The following DYNC2H1 variants were observed in gnomAD, a reference collection of about 807,000 sequenced individuals.
DYNC2H1 encodes dynein cytoplasmic 2 heavy chain 1.
Under a neutral mutation model 570.0 loss-of-function variants are expected in DYNC2H1, and 410 were observed. The ratio of observed to expected loss-of-function variants is 0.72; its 90% CI spans 0.66 to 0.78. The LOEUF (loss-of-function observed/expected upper bound fraction) is 0.78, where lower values mean the gene tolerates loss of function less well. Ranked by LOEUF, DYNC2H1 falls within the 30% of genes least tolerant of loss-of-function variation. The probability of loss-of-function intolerance (pLI) is 0.00; values close to 1 mark genes in which losing one functional copy is unlikely to be tolerated. For synonymous variants in DYNC2H1, 1,688 were observed against 1,677.6 expected, an observed-to-expected ratio of 1.01 and a Z score of -0.15; for missense variants, 4,865 against 5,046.4, an observed-to-expected ratio of 0.96 and a Z score of 1.09.
intron 87 of DYNC2H1, among the ~76,000 whole-genome samples, chr11:103,459,304 G>A (rs1465607607): frequency 0.021 from 912 of 43,878 alleles, 14 homozygotes; most frequent in African/African-American, 0.083. Flanking sequence ...GCGAGACTCC[G>A]TCTCAAAAAA....
chr11:103,267,411 A>G (rs1403510362), intron 70 of DYNC2H1, among the ~76,000 whole-genome samples: 1 of 150,568 alleles, frequency 6.6e-6, no homozygotes, highest in Admixed American at 6.7e-5. Flanking sequence ...AAGATTTTGC[A>G]CTTGACTATA....
In DYNC2H1 at chr11:103,264,951, A is replaced by T. The variant is rs1865449328; in HGVS notation, c.10695+4974A>T. Among the ~76,000 whole-genome samples the T allele has an allele frequency of 6.6e-6, 1 of 152,204 alleles. No homozygotes were observed. Among genetic ancestry groups the T allele is most frequent in the African/African-American group, 2.4e-5 (1 of 41,440 alleles). On this transcript the variant is annotated intron_variant, in intron 70 of 88. Coordinates refer to ENST00000375735, the MANE Select transcript of DYNC2H1 (RefSeq NM_001377.3). The surrounding 1 kb of genome is among the most constrained non-coding windows in gnomAD (Gnocchi z 4.8). ...ATTGTCTCTGTTTGGAGATGACATG[A>T]TTGTATATTTAGAAAACCCCATCGT...
chr11:103,449,057 G>C (rs1375427061), intron 85 of DYNC2H1, among the ~76,000 whole-genome samples: 1 of 152,154 alleles, frequency 6.6e-6, no homozygotes, highest in African/African-American at 2.4e-5. Context: ...TGTGAACAGA[G>C]ACCTAAAGGA....
At position 103,152,145 on chromosome 11, in the gene DYNC2H1, T is replaced by G. The variant is rs1860585460; in HGVS notation, c.2956T>G (p.Leu986Val). The G allele has an allele frequency of 6.3e-7, 1 of 1,597,968 alleles. No homozygotes were observed. The highest frequency in any genetic ancestry group is 8.5e-7 in the Non-Finnish European group (1 of 1,172,470). Residue 986 changes from leucine to valine, a missense_variant, in exon 21 of 89, where the codon TTA becomes GTA. Physicochemically the swap from Leu to Val is conservative, Grantham distance 32 (BLOSUM62 1). Transcript: ENST00000375735. ...LQERKPEILP[L>V]FQEAEDKNRL... ...TTTTTTTAACCTTTAGATTTTGCCC[T>G]TATTTCAAGAAGCTGAAGACAAAAA...
intron 84 of DYNC2H1, chr11:103,407,963 TTGTC>T (rs1942930499): frequency 6.6e-6 from 1 of 151,942 alleles, no homozygotes; most frequent in African/African-American, 2.4e-5. Flanking sequence ...CATATGAAAT[TTGTC>T]TGGGCTACAG....
chr11:103,137,308 A>G (rs1279821882), intron 17 of DYNC2H1, among the ~76,000 whole-genome samples: 1 of 147,538 alleles, frequency 6.8e-6, no homozygotes, highest in Non-Finnish European at 1.5e-5. Context: ...GCCCATGCCT[A>G]TGTCCTGAAT....
At chr11:103,270,566 A>G (rs916746203) in intron 70 of DYNC2H1, among the ~76,000 whole-genome samples, 1 of 148,396 alleles carries the variant, frequency 6.7e-6, no homozygotes, top group Non-Finnish European at 1.5e-5. Context: ...TGAAAATTAT[A>G]TGATGTGGTA....
At chr11:103,238,248 G>A (rs115274473) in intron 63 of DYNC2H1, among the ~76,000 whole-genome samples, 1,569 of 152,168 alleles carry the variant, frequency 0.01, 27 homozygotes, top group African/African-American at 0.036. Flanking sequence ...ATGCATTTGT[G>A]ATTCAGAGAT....
rs1864426749 is a variant in DYNC2H1, at chr11:103,241,651, A to G, written c.9820-2042A>G. 1 of 935,804 alleles carries G rather than the reference A, an allele frequency of 1.1e-6. No homozygotes were observed. The allele number at this position is 935,804 out of a possible 1,614,324, so 58.0% of individuals were successfully genotyped here. On this transcript the variant is annotated intron_variant, in intron 63 of 88. Coordinates refer to ENST00000375735, the MANE Select transcript of DYNC2H1 (RefSeq NM_001377.3). The surrounding 1 kb of genome is among the most constrained non-coding windows in gnomAD (Gnocchi z 5.1). ...ATGCTAGCATAAAATTAGATCAAAA[A>G]CCTAGGTGCAGCACCATGGTAACAC...
At chr11:103,138,762 T>C (rs1315368608) in intron 17 of DYNC2H1, among the ~76,000 whole-genome samples, 1 of 152,200 alleles carries the variant, frequency 6.6e-6, no homozygotes, top group Non-Finnish European at 1.5e-5. Context: ...CTTTTTCTAT[T>C]GATTGGAATA....
intron 84 of DYNC2H1, among the ~76,000 whole-genome samples, chr11:103,432,197 G>A (rs1943916061): frequency 6.6e-6 from 1 of 152,022 alleles, no homozygotes; most frequent in Non-Finnish European, 1.5e-5. Flanking sequence ...CTGACAAATA[G>A]TTCATCGTTG....
At chr11:103,284,965 G>T (rs1866288010) in intron 73 of DYNC2H1, among the ~76,000 whole-genome samples, 1 of 152,192 alleles carries the variant, frequency 6.6e-6, no homozygotes, top group South Asian at 2.1e-4. Flanking sequence ...TCTGAAAGAT[G>T]ATATTGTTTA....
intron 12 of DYNC2H1, among the ~76,000 whole-genome samples, chr11:103,128,459 C>CT (rs1292197403): frequency 6.6e-6 from 1 of 152,074 alleles, no homozygotes; most frequent in Non-Finnish European, 1.5e-5. Context: ...AGGCAATAGA[C>CT]TTTTGCTGAT....
At chr11:103,337,845 G>T (rs927348050) in intron 82 of DYNC2H1, among the ~76,000 whole-genome samples, 2 of 152,072 alleles carry the variant, frequency 1.3e-5, no homozygotes, top group African/African-American at 2.4e-5. Flanking sequence ...TCTCTTTGTT[G>T]ATTGTTTTCT....
rs535902671 is a variant in DYNC2H1 at position 103,283,708 on chromosome 11, A to T, written c.10890+623A>T. Among the ~76,000 whole-genome samples the T allele has an allele frequency of 2.0e-5, 3 of 152,294 alleles. No homozygotes were observed. In the East Asian group the frequency reaches 5.8e-4, roughly 29 times the overall value. Reference sequence around the variant, plus strand: ...TGAGGAAATTAAGGCACATAGAGATATAGTAACTTGTTTATGGTCACTTAG... The same window carrying T: ...TGAGGAAATTAAGGCACATAGAGATTTAGTAACTTGTTTATGGTCACTTAG... On this transcript the variant is annotated intron_variant, in intron 73 of 88. Transcript: ENST00000375735.
intron 84 of DYNC2H1, chr11:103,403,284 G>A (rs925312249): frequency 2.0e-5 from 3 of 151,942 alleles, no homozygotes; most frequent in African/African-American, 4.8e-5. Context: ...GAGGTTAAAT[G>A]TTCTTGTATT....
chr11:103,340,283 A>G (rs1355277657), intron 82 of DYNC2H1, among the ~76,000 whole-genome samples: 2 of 152,148 alleles, frequency 1.3e-5, no homozygotes, highest in Non-Finnish European at 2.9e-5. Flanking sequence ...AATTACAAAC[A>G]TGTATTTTTT....
In DYNC2H1 at chr11:103,275,593, T is replaced by G. The variant is rs1408039572; in HGVS notation, c.10696-4755T>G. 6.6e-6 allele frequency among the ~76,000 whole-genome samples: 1 copy of G among 152,238 alleles called. No individual in the cohort carries two copies. Among genetic ancestry groups the G allele is most frequent in the South Asian group, 2.1e-4 (1 of 4,832 alleles). ...TATTCTAATTATATTTGTCATATAA[T>G]TGGAATCATACAGTATGTCAGTATG... is the stretch of plus-strand genomic sequence containing the variant. On this transcript the variant is annotated intron_variant, in intron 70 of 88. Transcript: ENST00000375735. The surrounding 1 kb of genome is among the most constrained non-coding windows in gnomAD (Gnocchi z 4.8).
intron 83 of DYNC2H1, among the ~76,000 whole-genome samples, chr11:103,368,998 A>G (rs1941034310): frequency 6.6e-6 from 1 of 152,222 alleles, no homozygotes; most frequent in African/African-American, 2.4e-5. Flanking sequence ...AACCACCTTT[A>G]TAAGCACTAA....
Sources: gnomAD v4.1 joint callset for allele counts (sites outside exome capture counted in the v4.1 genomes callset) on GRCh38, gnomAD v4.1.1 for gene constraint, Gnocchi (gnomAD v3.1) non-coding constraint, MANE v1.5 for transcripts, NCBI Gene and HGNC (gene_info 2026-07-23, HGNC 2026-07-21) for gene names.